Variants in GPR158 observed in about 807,000 individuals in gnomAD.
GPR158 encodes the protein metabotropic glycine receptor.
In GPR158, 30 loss-of-function variants were observed where a neutral mutation model predicts 78.2. The observed-to-expected ratio is 0.38, with a 90% CI of 0.29 to 0.52. The LOEUF is 0.52. GPR158 is among the 20% of genes least tolerant of loss of function. The pLI, the probability that GPR158 is intolerant of heterozygous loss-of-function variation, is 0.83. For missense variants in GPR158, 1,463 were observed against 1,523.5 expected (o/e 0.96, Z 0.66); for synonymous variants, 581 against 591.1 (o/e 0.98, Z 0.25).
chr10:25,285,202 C>G (rs892737090), intron 2 of GPR158, among the ~76,000 whole-genome samples: 1 of 151,986 alleles, frequency 6.6e-6, no homozygotes, highest in Non-Finnish European at 1.5e-5. Flanking sequence ...GTTTTCCAGA[C>G]AAATAGAATC....
intron 5 of GPR158, among the ~76,000 whole-genome samples, chr10:25,471,628 T>C (rs1835504941): frequency 6.6e-6 from 1 of 152,170 alleles, no homozygotes; most frequent in Admixed American, 6.6e-5. Flanking sequence ...CACCTGTTGT[T>C]TCCTGACTTT....
chr10:25,308,946 G>A (rs1854723520), intron 2 of GPR158, among the ~76,000 whole-genome samples: 2 of 152,072 alleles, frequency 1.3e-5, no homozygotes. Flanking sequence ...TTGCTCATTT[G>A]TTATCTGTTG....
intron 4 of GPR158, among the ~76,000 whole-genome samples, chr10:25,441,703 G>C (rs1183847482): frequency 6.6e-6 from 1 of 152,156 alleles, no homozygotes; most frequent in East Asian, 1.9e-4. Flanking sequence ...GGGAATCATT[G>C]ACTTATAACC....
chr10:25,525,747 ACT>A (rs1187468420), intron 5 of GPR158, among the ~76,000 whole-genome samples: 2 of 152,028 alleles, frequency 1.3e-5, no homozygotes, highest in Non-Finnish European at 2.9e-5. Flanking sequence ...TAATTGTACA[ACT>A]CTGTGACTAT....
chr10:25,241,668 C>T (rs906153195), intron 2 of GPR158, among the ~76,000 whole-genome samples: 3 of 152,250 alleles, frequency 2.0e-5, no homozygotes, highest in South Asian at 2.1e-4. Context: ...GTGATCCCCC[C>T]ACCTTGGCCT....
At chr10:25,487,636 G>A (rs1199611993) in intron 5 of GPR158, among the ~76,000 whole-genome samples, 1 of 152,134 alleles carries the variant, frequency 6.6e-6, no homozygotes, top group African/African-American at 2.4e-5. Context: ...TTCCTTATCT[G>A]TAAGTTGAAA....
chr10:25,345,826 A>G (rs1765230055), intron 2 of GPR158, among the ~76,000 whole-genome samples: 1 of 151,920 alleles, frequency 6.6e-6, no homozygotes, highest in Admixed American at 6.6e-5. Context: ...TGTCCCAGAA[A>G]GCCCCCAGAC....
intron 2 of GPR158, among the ~76,000 whole-genome samples, chr10:25,314,692 A>G (rs549560200): frequency 1.2e-4 from 18 of 147,268 alleles, no homozygotes; most frequent in African/African-American, 4.5e-4. Flanking sequence ...CATTTATTTT[A>G]TTCTTCTGTT....
chr10:25,377,220 T>C (rs1834092819), intron 2 of GPR158, among the ~76,000 whole-genome samples: 5 of 151,908 alleles, frequency 3.3e-5, no homozygotes, highest in Admixed American at 1.3e-4. Flanking sequence ...TTCTGTATTG[T>C]CCACTTTTTT....
chr10:25,185,963 T>C lies in GPR158; in HGVS notation c.902+9641T>C, dbSNP rs548032913. Among the ~76,000 whole-genome samples the C allele has an allele frequency of 5.3e-5, 8 of 152,232 alleles. No homozygotes were observed. In the South Asian group the frequency reaches 1.0e-3, roughly 20 times the overall value. ...CACACTTATTCCAAAATTGACCACA[T>C]AGTTGGAAGTAAAGCACTCCTCAGC... On this transcript the variant is annotated intron_variant, in intron 1 of 10. Coordinates refer to ENST00000376351, the MANE Select transcript of GPR158 (RefSeq NM_020752.3).
intron 2 of GPR158, among the ~76,000 whole-genome samples, chr10:25,231,978 G>A (rs1588747581): frequency 6.6e-6 from 1 of 152,080 alleles, no homozygotes; most frequent in South Asian, 2.1e-4. Context: ...AGTAGGCTGG[G>A]GCGAGAGAAT....
intron 5 of GPR158, among the ~76,000 whole-genome samples, chr10:25,506,985 A>G (rs1212719198): frequency 6.6e-6 from 1 of 152,232 alleles, no homozygotes; most frequent in Non-Finnish European, 1.5e-5. Flanking sequence ...ATGCTGTGAT[A>G]ATGAACAATC....
In GPR158 at chr10:25,545,894, G is replaced by A. The variant is rs79569772; in HGVS notation, c.1405-5082G>A. On this transcript the variant is annotated intron_variant, in intron 5 of 10. Coordinates refer to ENST00000376351, the MANE Select transcript of GPR158 (RefSeq NM_020752.3). ...AGAATTAGTTACAATCGTTGCCCTC[G>A]TGCGCCTTTATAAACTAGGTAGCTA... 7.1e-4 allele frequency among the ~76,000 whole-genome samples: 108 copies of A among 152,126 alleles called. 1 individual carries two copies. Among genetic ancestry groups the A allele is most frequent in the African/African-American group, 1.7e-3 (71 of 41,502 alleles).
intron 2 of GPR158, among the ~76,000 whole-genome samples, chr10:25,339,956 C>A (rs1408362690): frequency 6.6e-6 from 1 of 152,064 alleles, no homozygotes; most frequent in Non-Finnish European, 1.5e-5. Context: ...AAAGTTCTTG[C>A]ATAATGTTAG....
intron 2 of GPR158, among the ~76,000 whole-genome samples, chr10:25,371,129 C>T (rs1216933526): frequency 6.8e-6 from 1 of 148,142 alleles, no homozygotes; most frequent in Non-Finnish European, 1.5e-5. Context: ...TCCAATTTGC[C>T]AGTCTGTGTC....
At chr10:25,474,244 C>T (rs555732094) in intron 5 of GPR158, among the ~76,000 whole-genome samples, 4 of 152,208 alleles carry the variant, frequency 2.6e-5, no homozygotes, top group Admixed American at 2.6e-4. Flanking sequence ...TTCCTTAAGA[C>T]TCATTTTGGG....
At chr10:25,539,756 A>G (rs182311139) in intron 5 of GPR158, among the ~76,000 whole-genome samples, 36 of 152,268 alleles carry the variant, frequency 2.4e-4, no homozygotes, top group African/African-American at 8.7e-4. Context: ...CATAATCACA[A>G]TTATAGCCAT....
At chr10:25,373,532 A>G (rs1834033886) in intron 2 of GPR158, among the ~76,000 whole-genome samples, 1 of 151,898 alleles carries the variant, frequency 6.6e-6, no homozygotes, top group African/African-American at 2.4e-5. Context: ...TATTGTTTTC[A>G]GTCTTCCTTT....
At chr10:25,345,660 A>G (rs1055131281) in intron 2 of GPR158, among the ~76,000 whole-genome samples, 2 of 151,988 alleles carry the variant, frequency 1.3e-5, no homozygotes, top group East Asian at 3.9e-4. Flanking sequence ...TTTATTAGCT[A>G]TAGTTCTCTG....
Sources: gnomAD v4.1 joint callset for allele counts (sites outside exome capture counted in the v4.1 genomes callset) on GRCh38, gnomAD v4.1.1 for gene constraint, MANE v1.5 for transcripts, NCBI Gene and HGNC (gene_info 2026-07-23, HGNC 2026-07-21) for gene names.